SPATA7: variants seen among roughly 807,000 people sequenced by gnomAD.
The protein encoded by SPATA7 is spermatogenesis associated 7.
SPATA7 carries 43 observed loss-of-function variants against 51.8 expected under a neutral mutation model. The ratio of observed to expected loss-of-function variants is 0.83; its 90% CI spans 0.65 to 1.07. The LOEUF is 1.07. Ranked by LOEUF, SPATA7 falls within the 50% of genes least tolerant of loss-of-function variation. The probability of loss-of-function intolerance (pLI) is 0.00; values close to 1 mark genes in which losing one functional copy is unlikely to be tolerated. For missense variants in SPATA7, 683 were observed against 701.3 expected (o/e 0.97, Z 0.30); for synonymous variants, 230 against 252.8 (o/e 0.91, Z 0.86).
At chr14:88,398,286 A>C (rs1174388077) in intron 4 of SPATA7, among the ~76,000 whole-genome samples, 2 of 151,848 alleles carry the variant, frequency 1.3e-5, no homozygotes, top group African/African-American at 4.8e-5. Context: ...ACACCATGGA[A>C]TACTATGCAG....
At chr14:88,412,437 A>G (rs745404174) in intron 4 of SPATA7, among the ~76,000 whole-genome samples, 4 of 152,124 alleles carry the variant, frequency 2.6e-5, no homozygotes, top group African/African-American at 7.2e-5. Context: ...GAGGGCAGGA[A>G]GCATCCAGCA....
chr14:88,469,158 C>A lies in SPATA7; in HGVS notation c.255-689C>A. Reference sequence around the variant, plus strand: ...TGACTCAATCTTCATATTCTCTCCACTGATTAAGAGGACTGCAGATAAAGA... The same window carrying A: ...TGACTCAATCTTCATATTCTCTCCAATGATTAAGAGGACTGCAGATAAAGA... On this transcript the variant is annotated intron_variant, in intron 4 of 4. Transcript: ENST00000556406. This position sits in a 1 kb window ranked among gnomAD's most constrained non-coding sequence, Gnocchi z 4.3. 1.4e-6 allele frequency: 2 copies of A among 1,437,978 alleles called. No homozygotes were observed. Among genetic ancestry groups the A allele is most frequent in the South Asian group, 1.4e-5 (1 of 73,736 alleles). The allele number at this position is 1,437,978 out of a possible 1,614,324, so 89.1% of individuals were successfully genotyped here. A position where few individuals can be genotyped will look rare whatever the true frequency, so the allele number is the denominator to read the frequency against.
In SPATA7 at chr14:88,437,895, G is replaced by A. The variant is rs2077134276; in HGVS notation, c.1273G>A (p.Glu425Lys). ...AGTAGACTTAGGCTGCACATCGGAGGAAAACTCGGTAAAGCAAAATGATGT... is the reference window on the plus strand; with the variant it reads ...AGTAGACTTAGGCTGCACATCGGAGAAAAACTCGGTAAAGCAAAATGATGT... ...LKVDLGCTSE[E>K]NSVKQNDVDM... The change falls in exon 12 of 12, where the codon GAA becomes AAA. Residue 425 changes from glutamate to lysine, a missense_variant. Glu to Lys is a moderately conservative substitution (Grantham distance 56). Coordinates refer to ENST00000393545, the MANE Select transcript of SPATA7 (RefSeq NM_018418.5). 1 of 1,610,750 alleles carries A rather than the reference G, an allele frequency of 6.2e-7. No homozygotes were observed. The highest frequency in any genetic ancestry group is 1.3e-5 in the African/African-American group (1 of 74,716).
At chr14:88,419,727 A>G (rs1448566197) in intron 5 of SPATA7, among the ~76,000 whole-genome samples, 1 of 151,886 alleles carries the variant, frequency 6.6e-6, no homozygotes, top group African/African-American at 2.4e-5. Context: ...GGGTTCCACC[A>G]TGTTAGCCAG....
intron 4 of SPATA7, among the ~76,000 whole-genome samples, chr14:88,399,851 C>A (rs541968719): frequency 6.0e-4 from 91 of 152,166 alleles, no homozygotes; most frequent in Non-Finnish European, 1.2e-3. Context: ...GTGGACAAAT[C>A]TGAGGGAGAA....
downstream of SPATA7, among the ~76,000 whole-genome samples, chr14:88,458,907 T>C (rs2077301010): frequency 6.6e-6 from 1 of 152,196 alleles, no homozygotes; most frequent in Non-Finnish European, 1.5e-5. Flanking sequence ...GTCCCAGAGA[T>C]TCTGGTATGT....
At position 88,396,204 on chromosome 14, in the gene SPATA7, G is replaced by GT. The variant is rs2075874938; in HGVS notation, c.238+2dup. 1 of 1,607,460 alleles carries GT rather than the reference G, an allele frequency of 6.2e-7. No homozygotes were observed. Among genetic ancestry groups the GT allele is most frequent in the African/African-American group, 1.3e-5 (1 of 74,764 alleles). Reference sequence around the variant, plus strand: ...GTAAGCGTGAGTACCAGCATAAAGTGTAAGTAATTTTTGGACATTATTACC... The same window carrying GT: ...GTAAGCGTGAGTACCAGCATAAAGTGTTAAGTAATTTTTGGACATTATTACC... On this transcript the variant is annotated splice_donor_variant, in intron 4 of 11. Transcript: ENST00000393545. LOFTEE classifies it high-confidence loss of function.
At chr14:88,396,332 A>G (rs951395755) in intron 4 of SPATA7, 129 bp downstream of exon 4, 11 of 678,882 alleles carry the variant, frequency 1.6e-5, no homozygotes, top group Non-Finnish European at 2.1e-5. Flanking sequence ...ATTGTGGTAC[A>G]ATGATAACTA....
At chr14:88,393,322 A>G (rs2075793066) in intron 2 of SPATA7, 71 bp from the exon 3 acceptor site, 1 of 1,028,602 alleles carries the variant, frequency 9.7e-7, no homozygotes, top group Non-Finnish European at 1.5e-6. Flanking sequence ...GAGTTAAATA[A>G]TCAGTGCCTT....
At chr14:88,467,388 C>T (rs1182940961) in intron 4 of SPATA7, 1 of 152,188 alleles carries the variant, frequency 6.6e-6, no homozygotes, top group Non-Finnish European at 1.5e-5. Context: ...TGCTTATTCT[C>T]TTACATTTTA....
chr14:88,393,821 T>C (rs1014295763), intron 3 of SPATA7, among the ~76,000 whole-genome samples: 1 of 152,210 alleles, frequency 6.6e-6, no homozygotes, highest in African/African-American at 2.4e-5. Flanking sequence ...GAAGATGCTA[T>C]TTTTCTGTTT....
chr14:88,461,963 G>C (rs1342564214), intron 4 of SPATA7, among the ~76,000 whole-genome samples: 1 of 151,998 alleles, frequency 6.6e-6, no homozygotes, highest in African/African-American at 2.4e-5. Flanking sequence ...AAATAAACTT[G>C]TTGTCTCTGG....
intron 4 of SPATA7, among the ~76,000 whole-genome samples, chr14:88,461,470 CAGTG>C (rs948248905): frequency 1.2e-4 from 19 of 152,302 alleles, no homozygotes; most frequent in Non-Finnish European, 1.6e-4. Context: ...GCTGTGCTAG[CAGTG>C]AGTGAGTATC....
downstream of SPATA7, among the ~76,000 whole-genome samples, chr14:88,439,167 G>A (rs1472239821): frequency 1.3e-5 from 2 of 152,222 alleles, no homozygotes; most frequent in African/African-American, 2.4e-5. Context: ...ATGATCTGGT[G>A]TGAGTCTTGA....
rs984736177 is a variant in SPATA7, at chr14:88,446,743, C to T, written c.178-8317C>T. 2.4e-3 allele frequency among the ~76,000 whole-genome samples: 363 copies of T among 152,032 alleles called. 1 individual carries two copies. Among genetic ancestry groups the T allele is most frequent in the African/African-American group, 8.5e-3 (351 of 41,464 alleles). On this transcript the variant is annotated intron_variant, in intron 3 of 3. Transcript: ENST00000554802. ...TTTCTGCCTTCGTTTTGTTATGTACCCAGTAGTCATTCAGGAGCAGGTTGT... is the reference window on the plus strand; with the variant it reads ...TTTCTGCCTTCGTTTTGTTATGTACTCAGTAGTCATTCAGGAGCAGGTTGT...
intron 5 of SPATA7, among the ~76,000 whole-genome samples, chr14:88,424,010 ATTAC>A (rs371171539): frequency 2.0e-5 from 3 of 152,342 alleles, no homozygotes; most frequent in Admixed American, 6.5e-5. Flanking sequence ...TGTTATGGTT[ATTAC>A]TTTACATAAA....
At chr14:88,411,988 C>T (rs747046152) in intron 4 of SPATA7, among the ~76,000 whole-genome samples, 1 of 152,012 alleles carries the variant, frequency 6.6e-6, no homozygotes. Context: ...TTCCCAAGAA[C>T]AGTGTGTAAT....
At chr14:88,395,398 C>T (rs80170201) in intron 3 of SPATA7, among the ~76,000 whole-genome samples, 5,369 of 151,942 alleles carry the variant, frequency 0.035, 310 homozygotes, top group African/African-American at 0.12. Context: ...TATTTTGTGA[C>T]ATGAAAATCG....
intron 7 of SPATA7, chr14:88,428,267 T>A (rs1452279798): frequency 6.6e-6 from 1 of 152,142 alleles, no homozygotes. Flanking sequence ...TTGTTTTATT[T>A]TTGGAGTTTC....
Sources: gnomAD v4.1 joint callset for allele counts (sites outside exome capture counted in the v4.1 genomes callset) on GRCh38, gnomAD v4.1.1 for gene constraint, Gnocchi (gnomAD v3.1) non-coding constraint, MANE v1.5 for transcripts, NCBI Gene and HGNC (gene_info 2026-07-23, HGNC 2026-07-21) for gene names.